The following KANSL1L variants were observed in gnomAD, a reference collection of about 807,000 sequenced individuals.
KANSL1L encodes the protein KAT8 regulatory NSL complex subunit 1-like protein.
KANSL1L carries 25 observed loss-of-function variants against 108.6 expected under a neutral mutation model. The ratio of observed to expected loss-of-function variants is 0.23; its 90% CI spans 0.17 to 0.32. The LOEUF is 0.32. KANSL1L is among the 10% of genes least tolerant of loss of function. The pLI, the probability that KANSL1L is intolerant of heterozygous loss-of-function variation, is 1.00. For missense variants in KANSL1L, 1,137 were observed against 1,125.7 expected (o/e 1.01, Z -0.14); for synonymous variants, 405 against 395.1 (o/e 1.03, Z -0.30).
chr2:210,140,540 T>G (rs2095218295), intron 2 of KANSL1L, among the ~76,000 whole-genome samples: 1 of 152,210 alleles, frequency 6.6e-6, no homozygotes, highest in African/African-American at 2.4e-5. Flanking sequence ...AGTGGCATGC[T>G]GTTTTGACTA....
chr2:210,110,092 G>A (rs1323429926), intron 3 of KANSL1L, among the ~76,000 whole-genome samples: 1 of 152,120 alleles, frequency 6.6e-6, no homozygotes, highest in African/African-American at 2.4e-5. Flanking sequence ...CACACCCACA[G>A]TTCTCTGATG....
At chr2:210,066,143 C>T (rs1309727746) in intron 6 of KANSL1L, among the ~76,000 whole-genome samples, 1 of 152,140 alleles carries the variant, frequency 6.6e-6, no homozygotes, top group African/African-American at 2.4e-5. Flanking sequence ...CAGAAAAACA[C>T]TGTGCTAGTT....
chr2:210,039,251 TTA>T (rs2094139846), intron 8 of KANSL1L, among the ~76,000 whole-genome samples: 1 of 152,000 alleles, frequency 6.6e-6, no homozygotes, highest in Non-Finnish European at 1.5e-5. Context: ...ACAACTTTAG[TTA>T]TGATACTGTC....
intron 3 of KANSL1L, among the ~76,000 whole-genome samples, chr2:210,121,779 G>C (rs1318188084): frequency 6.6e-6 from 1 of 152,154 alleles, no homozygotes; most frequent in African/African-American, 2.4e-5. Flanking sequence ...ATATGATCTT[G>C]TTTGGAAAAA....
intron 3 of KANSL1L, among the ~76,000 whole-genome samples, chr2:210,106,506 C>T (rs575878642): frequency 7.3e-5 from 11 of 151,632 alleles, no homozygotes; most frequent in East Asian, 1.9e-4. Flanking sequence ...TGGTGGTTTA[C>T]GCCTGTAATC....
intron 1 of KANSL1L, 60 bp from the exon 2 acceptor site, chr2:210,154,671 T>C: frequency 1.3e-5 from 14 of 1,044,926 alleles, no homozygotes; most frequent in Non-Finnish European, 1.8e-5. Context: ...GCTTATACTT[T>C]TTTCTAAGGG....
At chr2:210,116,097 A>G (rs1476535493) in intron 3 of KANSL1L, among the ~76,000 whole-genome samples, 4 of 152,216 alleles carry the variant, frequency 2.6e-5, no homozygotes, top group South Asian at 2.1e-4. Flanking sequence ...GCATTCACCA[A>G]AAGCTGACTG....
Position 210,031,490 on chromosome 2 carries a change from T to C in KANSL1L, c.2086A>G (p.Ile696Val). 6.3e-7 allele frequency: 1 copy of C among 1,575,656 alleles called. No homozygotes were observed. The highest frequency in any genetic ancestry group is 1.1e-5 in the South Asian group (1 of 89,600). Residue 696 changes from isoleucine to valine, a missense_variant, in exon 9 of 15, where the codon ATA (isoleucine) becomes GTA (valine). Coordinates refer to ENST00000281772, the MANE Select transcript of KANSL1L (RefSeq NM_152519.4). ...AGTTGTGCAGAAGATTCTGACCTTATTTGAGGCTTACATATAGGTGAATAT... is the reference window on the plus strand; with the variant it reads ...AGTTGTGCAGAAGATTCTGACCTTACTTGAGGCTTACATATAGGTGAATAT... ...NGYSPICKPQ[I>V]RSESSAQLLQ...
chr2:210,024,675 T>C (rs2125112492), intron 13 of KANSL1L, among the ~76,000 whole-genome samples: 1 of 152,262 alleles, frequency 6.6e-6, no homozygotes, highest in Middle Eastern at 3.4e-3. Flanking sequence ...TTTAGACTTT[T>C]TGCATTTTAG....
intron 5 of KANSL1L, chr2:210,097,098 C>G (rs917630454): frequency 4.4e-6 from 1 of 228,682 alleles, no homozygotes; most frequent in African/African-American, 2.3e-5. Context: ...AGCACACCAC[C>G]ACGCCCGGCT....
At chr2:210,064,864 C>T (rs2094452656) in intron 6 of KANSL1L, among the ~76,000 whole-genome samples, 1 of 148,660 alleles carries the variant, frequency 6.7e-6, no homozygotes, top group African/African-American at 2.5e-5. Flanking sequence ...TAGTGTAACA[C>T]TTCCTTACAA....
chr2:210,022,099 T>C lies in KANSL1L; in HGVS notation c.*850A>G, dbSNP rs1463027092. On this transcript the variant is annotated 3_prime_UTR_variant, in exon 15 of 15. Coordinates refer to ENST00000281772, the MANE Select transcript of KANSL1L (RefSeq NM_152519.4). The stretch of plus-strand genomic sequence containing the variant: ...TCTCTTCATGAGACACATTAATTGG[T>C]AAAACTCAAATTGAGTTTTCAAAGA... 1.3e-5 allele frequency: 2 copies of C among 151,792 alleles called. No homozygotes were observed. The allele number at this position is 151,792 out of a possible 1,614,324, so 9.4% of individuals were successfully genotyped here.
chr2:210,134,191 A>C (rs1217699089), intron 2 of KANSL1L, among the ~76,000 whole-genome samples: 1 of 152,122 alleles, frequency 6.6e-6, no homozygotes, highest in Non-Finnish European at 1.5e-5. Context: ...TGTTAGCTGA[A>C]GTCGTTTTAC....
chr2:210,157,691 GAAAAA>G (rs56676129), intron 1 of KANSL1L, among the ~76,000 whole-genome samples: 1 of 47,166 alleles, frequency 2.1e-5, no homozygotes, highest in East Asian at 1.3e-3. Flanking sequence ...CACTGTCACA[GAAAAA>G]AAAAAAAAAA....
At chr2:210,086,135 T>C (rs16844114) in intron 5 of KANSL1L, among the ~76,000 whole-genome samples, 2,267 of 152,064 alleles carry the variant, frequency 0.015, 68 homozygotes, top group African/African-American at 0.052. Context: ...GAAAGGATAG[T>C]TGCATGTCAC....
intron 8 of KANSL1L, among the ~76,000 whole-genome samples, chr2:210,033,453 A>G (rs2125149208): frequency 1.3e-5 from 2 of 152,320 alleles, no homozygotes; most frequent in Middle Eastern, 6.8e-3. Flanking sequence ...TAGACAATTA[A>G]CGTTTCTCTT....
chr2:210,064,597 G>A (rs536558775), intron 6 of KANSL1L, among the ~76,000 whole-genome samples: 1 of 151,966 alleles, frequency 6.6e-6, no homozygotes, highest in East Asian at 1.9e-4. Context: ...ATCATTTTTT[G>A]AGCCCAGGAG....
chr2:210,140,157 T>C (rs1367524860), intron 2 of KANSL1L, among the ~76,000 whole-genome samples: 2 of 152,244 alleles, frequency 1.3e-5, no homozygotes, highest in Admixed American at 6.5e-5. Flanking sequence ...CTGCTGTTTC[T>C]TTTGCTGTGT....
At chr2:210,131,928 C>T (rs1176989447) in intron 2 of KANSL1L, among the ~76,000 whole-genome samples, 5 of 152,012 alleles carry the variant, frequency 3.3e-5, no homozygotes, top group Admixed American at 2.0e-4. Context: ...AACTCCTTTC[C>T]TCAAGTGATC....
Sources: allele counts gnomAD v4.1 joint callset (sites outside exome capture counted in the v4.1 genomes callset), GRCh38; gene constraint gnomAD v4.1.1; transcripts MANE v1.5; gene names NCBI Gene and HGNC (gene_info 2026-07-23, HGNC 2026-07-21).